Variants in TRAF5 observed in about 807,000 individuals in gnomAD.
TRAF5 encodes the protein TNF receptor associated factor 5.
Under a neutral mutation model 64.5 loss-of-function variants are expected in TRAF5, and 48 were observed. That is an observed-to-expected ratio of 0.74 (90% CI 0.59 to 0.95). The LOEUF (loss-of-function observed/expected upper bound fraction) is 0.95. TRAF5 is among the 40% of genes least tolerant of loss of function. The probability of loss-of-function intolerance (pLI) is 0.00; values close to 1 mark genes in which losing one functional copy is unlikely to be tolerated. For missense variants in TRAF5, 545 were observed against 662.8 expected (o/e 0.82, Z 1.95); for synonymous variants, 206 against 240.5 (o/e 0.86, Z 1.33).
chr1:211,354,267 C>A (rs7530570), intron 2 of TRAF5, 143 bp from the exon 3 acceptor site: 669,796 of 670,362 alleles, frequency 1, 334,615 homozygotes, highest in Middle Eastern at 1. Flanking sequence ...TACAGGAGGC[C>A]CCTTCTGGGT....
intron 10 of TRAF5, among the ~76,000 whole-genome samples, 185 bp downstream of exon 10, chr1:211,371,655 G>T (rs981027324): frequency 5.3e-5 from 8 of 152,176 alleles, no homozygotes; most frequent in African/African-American, 1.9e-4. Context: ...GGGCCACAAG[G>T]GGGGTTGAGG....
At chr1:211,337,650 G>C (rs1289893483) in intron 1 of TRAF5, among the ~76,000 whole-genome samples, 1 of 152,190 alleles carries the variant, frequency 6.6e-6, no homozygotes, top group African/African-American at 2.4e-5. Context: ...GATGATGGCA[G>C]CTTAGGCCAG....
At chr1:211,348,757 T>G (rs759562039) in intron 1 of TRAF5, among the ~76,000 whole-genome samples, 1 of 152,198 alleles carries the variant, frequency 6.6e-6, no homozygotes, top group Non-Finnish European at 1.5e-5. Flanking sequence ...GTTTTGCCTT[T>G]GGCCTTTTGC....
intron 7 of TRAF5, among the ~76,000 whole-genome samples, chr1:211,363,811 T>G (rs1703261432): frequency 6.7e-6 from 1 of 149,386 alleles, no homozygotes; most frequent in Non-Finnish European, 1.5e-5. Flanking sequence ...CTTGGGAGGC[T>G]GAGGTGGGAG....
intron 6 of TRAF5, 35 bp from the exon 7 acceptor site, chr1:211,361,053 T>A (rs1485894467): frequency 6.2e-7 from 1 of 1,604,386 alleles, no homozygotes; most frequent in Non-Finnish European, 8.5e-7. Flanking sequence ...GAATAAGTGA[T>A]GAATTTCTAT....
In TRAF5 at chr1:211,374,382, C is replaced by T. The variant is rs1558152339; in HGVS notation, c.*1680C>T. 1 of 152,504 alleles carries T rather than the reference C, an allele frequency of 6.6e-6. No individual in the cohort carries two copies. Among genetic ancestry groups the T allele is most frequent in the Non-Finnish European group, 1.5e-5 (1 of 68,050 alleles). The allele number at this position is 152,504 out of a possible 1,614,324, so 9.4% of individuals were successfully genotyped here. On this transcript the variant is annotated 3_prime_UTR_variant, in exon 11 of 11. Coordinates refer to ENST00000261464, the MANE Select transcript of TRAF5 (RefSeq NM_001033910.3). The stretch of plus-strand genomic sequence containing the variant: ...TACCTGGTGATGACCATGCACCTTA[C>T]AATTTCTGAACAGTTAACCCTATAG...
At chr1:211,360,968 G>A in intron 6 of TRAF5, 120 bp from the exon 7 acceptor site, 1 of 1,086,770 alleles carries the variant, frequency 9.2e-7, no homozygotes, top group Non-Finnish European at 1.4e-6. Flanking sequence ...GCTCTTTCTT[G>A]CCAGGCCTCT....
At chr1:211,359,143 A>G (rs537951480) in intron 4 of TRAF5, 4 of 152,114 alleles carry the variant, frequency 2.6e-5, no homozygotes, top group Admixed American at 2.6e-4. Flanking sequence ...GAGACAAGGT[A>G]TTGGGGTCTC....
Position 211,360,697 on chromosome 1 carries a change from T to C in TRAF5, c.544-5T>C, listed in dbSNP as rs746697648. 5 of 1,612,364 alleles carry C rather than the reference T, an allele frequency of 3.1e-6. No individual in the cohort carries two copies. Among genetic ancestry groups the C allele is most frequent in the Non-Finnish European group, 4.2e-6 (5 of 1,178,480 alleles). On this transcript the variant is annotated splice_region_variant and splice_polypyrimidine_tract_variant and intron_variant, in intron 5 of 10. Coordinates refer to ENST00000261464, the MANE Select transcript of TRAF5 (RefSeq NM_001033910.3). Reference sequence around the variant, plus strand: ...CTTTGTTTTATTGCACTTTCTCTATTTCAGAATCATGAGGAAAACTTGTGT... The same window carrying C: ...CTTTGTTTTATTGCACTTTCTCTATCTCAGAATCATGAGGAAAACTTGTGT...
Position 211,354,407 on chromosome 1 carries a change from C to T in TRAF5, c.219-3C>T, listed in dbSNP as rs759696398. Reference sequence around the variant, plus strand: ...CTGGCTCCATTTTAATTTTTTTCTCCAGAGAATTAAACACAGTGCCAATCT... The same window carrying T: ...CTGGCTCCATTTTAATTTTTTTCTCTAGAGAATTAAACACAGTGCCAATCT... On this transcript the variant is annotated splice_region_variant and splice_polypyrimidine_tract_variant and intron_variant, in intron 2 of 10. Transcript: ENST00000261464. 1 of 1,613,668 alleles carries T rather than the reference C, an allele frequency of 6.2e-7. No homozygotes were observed. Among genetic ancestry groups the T allele is most frequent in the Non-Finnish European group, 8.5e-7 (1 of 1,179,840 alleles).
intron 1 of TRAF5, among the ~76,000 whole-genome samples, chr1:211,327,583 C>A (rs1702055600): frequency 1.3e-5 from 2 of 152,122 alleles, no homozygotes; most frequent in South Asian, 4.2e-4. Context: ...CAGATGGTCT[C>A]CACTTTGTTC....
At chr1:211,338,003 G>T (rs891558874) in intron 1 of TRAF5, among the ~76,000 whole-genome samples, 4 of 152,144 alleles carry the variant, frequency 2.6e-5, no homozygotes, top group Non-Finnish European at 4.4e-5. Flanking sequence ...CCAGGAGCTG[G>T]GACGTGCTCA....
chr1:211,372,470 G>C lies in TRAF5; in HGVS notation c.1442G>C (p.Arg481Thr). 1 of 1,614,130 alleles carries C rather than the reference G, an allele frequency of 6.2e-7. No homozygotes were observed. Among genetic ancestry groups the C allele is most frequent in the Non-Finnish European group, 8.5e-7 (1 of 1,180,022 alleles). The change falls in exon 11 of 11, where the codon AGG (arginine) becomes ACG (threonine). Residue 481 changes from arginine to threonine, a missense_variant. Transcript: ENST00000261464. ...CTGTTGCAGTGGCCATTCAGGCAGA[G>C]GGTGACCCTGATGCTTCTGGACCAG... is the stretch of plus-strand genomic sequence containing the variant. ...DSLLQWPFRQ[R>T]VTLMLLDQSG...
rs1443328118 is a variant in TRAF5, at chr1:211,372,357, T to G, written c.1329T>G (p.Cys443Trp). The part of the protein sequence containing the change: ...FYTSRCGYRL[C>W]ARAYLNGDGS... ...CCAGCCGCTGTGGCTACCGGCTCTG[T>G]GCTAGAGCATACCTGAATGGGGATG... The change falls in exon 11 of 11, where the codon TGT (cysteine) becomes TGG (tryptophan). Residue 443 changes from cysteine (C) to tryptophan (W), a missense_variant. By Grantham distance (215) the Cys-to-Trp change is radical. Transcript: ENST00000261464. The G allele has an allele frequency of 6.2e-7, 1 of 1,614,028 alleles. No individual in the cohort carries two copies. The highest frequency in any genetic ancestry group is 1.7e-5 in the Admixed American group (1 of 59,996).
At chr1:211,355,327 A>T in intron 3 of TRAF5, among the ~76,000 whole-genome samples, 2 of 150,870 alleles carry the variant, frequency 1.3e-5, no homozygotes, top group Non-Finnish European at 1.5e-5. Context: ...ATTTTGATGA[A>T]CTCTAATTCA....
chr1:211,358,792 T>C (rs1703070729), intron 4 of TRAF5: 1 of 130,102 alleles, frequency 7.7e-6, no homozygotes, highest in Non-Finnish European at 1.6e-5. Context: ...TATTAAATAA[T>C]ATTAAATAGT....
At chr1:211,366,621 A>G (rs1051976473) in intron 8 of TRAF5, among the ~76,000 whole-genome samples, 5 of 152,220 alleles carry the variant, frequency 3.3e-5, no homozygotes, top group South Asian at 4.1e-4. Flanking sequence ...AGTAGGAAAG[A>G]TTCATCAGTT....
At chr1:211,327,126 G>T (rs1702036981) in intron 1 of TRAF5, among the ~76,000 whole-genome samples, 1 of 152,130 alleles carries the variant, frequency 6.6e-6, no homozygotes, top group African/African-American at 2.4e-5. Flanking sequence ...CCCGGGGACA[G>T]CGGGAGCGGT....
rs1275005386 is a variant in TRAF5 at position 211,356,424 on chromosome 1, A to T, written c.334A>T (p.Asn112Tyr). 1 of 1,614,102 alleles carries T rather than the reference A, an allele frequency of 6.2e-7. No homozygotes were observed. Among genetic ancestry groups the T allele is most frequent in the African/African-American group, 1.3e-5 (1 of 74,950 alleles). ...EVLNLYVYCS[N>Y]APGCNAKVIL... is the part of the protein sequence containing the mutation. ...CCTCAACTTATATGTATATTGCAGCAATGCTCCTGGATGTAATGCCAAGGT... is the reference window on the plus strand; with the variant it reads ...CCTCAACTTATATGTATATTGCAGCTATGCTCCTGGATGTAATGCCAAGGT... The change falls in exon 4 of 11, where the codon AAT (asparagine) becomes TAT (tyrosine). Residue 112 changes from asparagine to tyrosine, a missense_variant. By Grantham distance (143) the Asn-to-Tyr change is moderately radical. Coordinates refer to ENST00000261464, the MANE Select transcript of TRAF5 (RefSeq NM_001033910.3).
Sources: gnomAD v4.1 joint callset for allele counts (sites outside exome capture counted in the v4.1 genomes callset) on GRCh38, gnomAD v4.1.1 for gene constraint, MANE v1.5 for transcripts, NCBI Gene and HGNC (gene_info 2026-07-23, HGNC 2026-07-21) for gene names.